Variants in EXTL3 observed in about 807,000 individuals in gnomAD.
EXTL3 encodes the protein exostosin-like 3.
A neutral mutation model predicts 69.3 loss-of-function variants in EXTL3; 27 were observed. The observed-to-expected ratio is 0.39, with a 90% CI of 0.29 to 0.54. The LOEUF (loss-of-function observed/expected upper bound fraction) is 0.54. Ranked by LOEUF, EXTL3 falls within the 20% of genes least tolerant of loss-of-function variation. The probability of loss-of-function intolerance (pLI) is 0.69; values close to 1 mark genes in which losing one functional copy is unlikely to be tolerated. For missense variants in EXTL3, 1,003 were observed against 1,231.8 expected, an observed-to-expected ratio of 0.81 and a Z score of 2.78; for synonymous variants, 511 against 499.4, an observed-to-expected ratio of 1.02 and a Z score of -0.31.
intron 1 of EXTL3, among the ~76,000 whole-genome samples, chr8:28,671,539 C>T (rs1333551368): frequency 6.6e-6 from 1 of 151,770 alleles, no homozygotes; most frequent in African/African-American, 2.4e-5. Flanking sequence ...GGGGTTTCAC[C>T]ATGTTGGCCA....
chr8:28,632,566 T>C (rs1007883286), intron 1 of EXTL3, among the ~76,000 whole-genome samples: 5 of 150,502 alleles, frequency 3.3e-5, no homozygotes, highest in African/African-American at 1.2e-4. Context: ...TTTTTTTTTT[T>C]TTTTTTGAGA....
chr8:28,684,632 C>T (rs1807547165), intron 1 of EXTL3, among the ~76,000 whole-genome samples: 1 of 152,010 alleles, frequency 6.6e-6, no homozygotes, highest in African/African-American at 2.4e-5. Context: ...GTCCCAGCTA[C>T]TCGGGAGGCT....
rs1007044770 is a variant in EXTL3 at position 28,683,809 on chromosome 8, C to CA, written c.-52-29635dup. On this transcript the variant is annotated intron_variant, in intron 1 of 6. Coordinates refer to the EXTL3 transcript ENST00000523149. ...TGGGCCACAGTGTGAGACTCCGTCTCAAAAAAAAAAAAATTATTGCTGTCT... is the reference window on the plus strand; with the variant it reads ...TGGGCCACAGTGTGAGACTCCGTCTCAAAAAAAAAAAAAATTATTGCTGTCT... Among the ~76,000 whole-genome samples, 216 of 139,804 alleles carry CA rather than the reference C, an allele frequency of 1.5e-3. 1 individual carries two copies. Among genetic ancestry groups the CA allele is most frequent in the East Asian group, 0.011 (53 of 4,840 alleles). 91.7% of individuals were successfully genotyped at this position (139,804 alleles called of 152,430 possible).
chr8:28,653,424 G>T (rs142885464), intron 1 of EXTL3, among the ~76,000 whole-genome samples: 2 of 152,094 alleles, frequency 1.3e-5, no homozygotes, highest in Non-Finnish European at 2.9e-5. Flanking sequence ...CTTTTTAAGT[G>T]TCATACTTAA....
chr8:28,685,708 T>C (rs1239064020), intron 1 of EXTL3, among the ~76,000 whole-genome samples: 1 of 152,054 alleles, frequency 6.6e-6, no homozygotes, highest in Non-Finnish European at 1.5e-5. Context: ...TTTTTGTACA[T>C]TTGAAATTTT....
chr8:28,649,140 G>A (rs1301348101), intron 1 of EXTL3, among the ~76,000 whole-genome samples: 1 of 152,222 alleles, frequency 6.6e-6, no homozygotes, highest in African/African-American at 2.4e-5. Context: ...CTGGGCTGAA[G>A]TGAGCTTTCT....
intron 1 of EXTL3, among the ~76,000 whole-genome samples, chr8:28,672,072 T>G: frequency 6.6e-6 from 1 of 152,094 alleles, no homozygotes; most frequent in African/African-American, 2.4e-5. Flanking sequence ...AAAGAGGAGA[T>G]GGAGGTTGCT....
In EXTL3 at chr8:28,718,045, G is replaced by T. The variant is rs1479809719; in HGVS notation, c.1986G>T (p.Gln662His). 6.2e-7 allele frequency: 1 copy of T among 1,614,132 alleles called. No homozygotes were observed. Among genetic ancestry groups the T allele is most frequent in the Admixed American group, 1.7e-5 (1 of 60,020 alleles). The part of the protein sequence containing the change: ...AALGGNVPRE[Q>H]FTVVMLTYER... ...TTGGAGGCAATGTTCCCCGAGAGCAGTTCACGGTGGTGATGTTGACTTATG... is the reference window on the plus strand; with the variant it reads ...TTGGAGGCAATGTTCCCCGAGAGCATTTCACGGTGGTGATGTTGACTTATG... The change falls in exon 3 of 7, where the codon CAG becomes CAT. Residue 662 changes from glutamine (Q) to histidine (H), a missense_variant. Gln to His is a conservative substitution (Grantham distance 24). Coordinates refer to ENST00000220562, the MANE Select transcript of EXTL3 (RefSeq NM_001440.4).
rs147171231 is a variant in EXTL3 at position 28,717,430 on chromosome 8, C to A, written c.1371C>A (p.Val457=). 6.2e-7 allele frequency: 1 copy of A among 1,614,180 alleles called. No individual in the cohort carries two copies. Among genetic ancestry groups the A allele is most frequent in the East Asian group, 2.2e-5 (1 of 44,874 alleles). The change falls in exon 3 of 7, where the codon GTC becomes GTA. Residue 457 remains valine (V), a synonymous_variant. Transcript: ENST00000220562. This position sits in a 1 kb window ranked among gnomAD's most constrained non-coding sequence, Gnocchi z 8.3. The part of the protein sequence containing the change: ...CATRLFEALE[V]GAVPVVLGEQ... ...CACGGCTCTTCGAAGCCCTGGAAGT[C>A]GGTGCCGTCCCGGTGGTGCTGGGGG...
intron 1 of EXTL3, among the ~76,000 whole-genome samples, chr8:28,644,848 A>G (rs1365245259): frequency 6.6e-6 from 1 of 152,156 alleles, no homozygotes; most frequent in African/African-American, 2.4e-5. Flanking sequence ...TTTTGAAATG[A>G]ATTTTAAGCT....
chr8:28,714,566 T>C (rs540477529), intron 2 of EXTL3, among the ~76,000 whole-genome samples: 1 of 152,356 alleles, frequency 6.6e-6, no homozygotes, highest in South Asian at 2.1e-4. Context: ...CCCACAGTTA[T>C]ACTTAGCATG....
intron 6 of EXTL3, among the ~76,000 whole-genome samples, chr8:28,747,424 A>C (rs1801909801): frequency 1.3e-5 from 2 of 152,164 alleles, no homozygotes; most frequent in Non-Finnish European, 2.9e-5. Context: ...GTCTCCTCCC[A>C]GTTTAAACTC....
intron 1 of EXTL3, among the ~76,000 whole-genome samples, chr8:28,711,620 T>C (rs1429861021): frequency 6.6e-6 from 1 of 152,252 alleles, no homozygotes. Flanking sequence ...CCGGGTAGTC[T>C]AGCTGCAGGT....
chr8:28,718,552 C>G (rs1439667105), intron 3 of EXTL3, among the ~76,000 whole-genome samples: 2 of 152,302 alleles, frequency 1.3e-5, no homozygotes, highest in South Asian at 2.1e-4. Flanking sequence ...AGCACTTAGC[C>G]TCTAGGCACT....
chr8:28,630,789 G>A (rs1018749694), intron 1 of EXTL3, among the ~76,000 whole-genome samples: 2 of 152,214 alleles, frequency 1.3e-5, no homozygotes, highest in Non-Finnish European at 2.9e-5. Context: ...AGACAGACAC[G>A]TAGATAGACA....
Position 28,718,166 on chromosome 8 carries a change from T to A in EXTL3, c.2107T>A (p.Ser703Thr), listed in dbSNP as rs1191253311. The A allele has an allele frequency of 6.2e-7, 1 of 1,614,042 alleles. No individual in the cohort carries two copies. The highest frequency in any genetic ancestry group is 8.5e-7 in the Non-Finnish European group (1 of 1,180,026). Residue 703 changes from serine to threonine, a missense_variant, in exon 3 of 7, where the codon TCA (serine) becomes ACA (threonine). Ser to Thr is a moderately conservative substitution (Grantham distance 58). Transcript: ENST00000220562. ...VVVWNSPKLP[S>T]EDLLWPDIGV... ...GGTGTGGAATTCTCCCAAGCTGCCA[T>A]CAGAGGACCTTCTGTGGCCTGACAT... is the stretch of plus-strand genomic sequence containing the variant.
chr8:28,612,032 G>A (rs1239720379), intron 2 of EXTL3, among the ~76,000 whole-genome samples: 2 of 152,228 alleles, frequency 1.3e-5, no homozygotes, highest in African/African-American at 4.8e-5. Flanking sequence ...TGGCAGACAG[G>A]AAGAACCGCT....
chr8:28,680,719 C>T (rs999770422), intron 1 of EXTL3, among the ~76,000 whole-genome samples: 1 of 152,140 alleles, frequency 6.6e-6, no homozygotes, highest in Non-Finnish European at 1.5e-5. Context: ...TCTCCCCATA[C>T]CCCCAGTCCT....
At position 28,623,807 on chromosome 8, in the gene EXTL3, A is replaced by G. The variant is rs1806449612; in HGVS notation, c.-53+997A>G. The stretch of plus-strand genomic sequence containing the variant: ...GTTATAATTAGGAAAACTGAAAGAT[A>G]TTCATCAGGTAAACATGATCCTCCT... On this transcript the variant is annotated intron_variant, in intron 1 of 6. Coordinates refer to the EXTL3 transcript ENST00000523149. The surrounding 1 kb of genome is among the most constrained non-coding windows in gnomAD (Gnocchi z 4.2). 1.3e-5 allele frequency among the ~76,000 whole-genome samples: 2 copies of G among 152,248 alleles called. No individual in the cohort carries two copies. The highest frequency in any genetic ancestry group is 2.1e-4 in the South Asian group (1 of 4,834).
Sources: gnomAD v4.1 joint callset for allele counts (sites outside exome capture counted in the v4.1 genomes callset) on GRCh38, gnomAD v4.1.1 for gene constraint, Gnocchi (gnomAD v3.1) non-coding constraint, MANE v1.5 for transcripts, NCBI Gene and HGNC (gene_info 2026-07-23, HGNC 2026-07-21) for gene names.